SERPINB12: variants seen among roughly 807,000 people sequenced by gnomAD.
SERPINB12 encodes serpin family B member 12.
Under a neutral mutation model 41.1 loss-of-function variants are expected in SERPINB12, and 57 were observed. The observed-to-expected ratio is 1.39, with a 90% CI of 1.12 to 1.73. SERPINB12 has a LOEUF of 1.73. Among genes scored for constraint, SERPINB12 ranks in the 40% most tolerant of loss-of-function variants. SERPINB12 has a pLI of 0.00. For missense variants in SERPINB12, 536 were observed against 501.9 expected, an observed-to-expected ratio of 1.07 and a Z score of -0.65; for synonymous variants, 180 against 181.3, an observed-to-expected ratio of 0.99 and a Z score of 0.06.
chr18:63,532,604 G>A, the SERPINB12 span, among the ~76,000 whole-genome samples: 2 of 152,122 alleles, frequency 1.3e-5, no homozygotes, highest in Non-Finnish European at 1.5e-5. Flanking sequence ...CCTACTCTAC[G>A]GTTTTGTCTT....
chr18:63,540,200 C>CT (rs1368648052), upstream of SERPINB12, among the ~76,000 whole-genome samples: 3 of 152,118 alleles, frequency 2.0e-5, no homozygotes, highest in African/African-American at 7.2e-5. Context: ...AAATGCTGAT[C>CT]TTTTTCTTTC....
upstream of SERPINB12, among the ~76,000 whole-genome samples, chr18:63,539,064 G>C (rs1421374633): frequency 6.6e-6 from 1 of 152,068 alleles, no homozygotes; most frequent in African/African-American, 2.4e-5. Flanking sequence ...ACTTGGGATG[G>C]CTGAGACCAC....
the SERPINB12 span, among the ~76,000 whole-genome samples, chr18:63,521,373 G>T: frequency 4.7e-3 from 715 of 152,324 alleles, 7 homozygotes; most frequent in African/African-American, 0.016. Context: ...GTGTGGACCT[G>T]TCCCAGGTTG....
At chr18:63,552,987 T>C (rs1910571761) in intron 1 of SERPINB12, among the ~76,000 whole-genome samples, 1 of 152,226 alleles carries the variant, frequency 6.6e-6, no homozygotes, top group Non-Finnish European at 1.5e-5. Flanking sequence ...TGTTTTTTTT[T>C]CGTTGTTTTC....
At chr18:63,554,433 A>G (rs1275733014) in intron 1 of SERPINB12, among the ~76,000 whole-genome samples, 7 of 152,218 alleles carry the variant, frequency 4.6e-5, no homozygotes, top group Admixed American at 4.6e-4. Context: ...GAAAATCTAT[A>G]TTAACTGGGA....
At chr18:63,563,919 C>A (rs878959680) in intron 5 of SERPINB12, 59 bp from the exon 6 acceptor site, 32 of 1,374,842 alleles carry the variant, frequency 2.3e-5, no homozygotes, top group African/African-American at 7.6e-5. Flanking sequence ...AAAAAATTAT[C>A]TACACAAATG....
the SERPINB12 span, among the ~76,000 whole-genome samples, chr18:63,522,997 A>G: frequency 4.6e-5 from 7 of 152,188 alleles, no homozygotes; most frequent in African/African-American, 1.7e-4. Context: ...TGTTTCCCAT[A>G]TAATTCAACA....
the SERPINB12 span, among the ~76,000 whole-genome samples, chr18:63,531,668 T>C: frequency 7.2e-5 from 11 of 152,192 alleles, no homozygotes; most frequent in African/African-American, 2.4e-4. Flanking sequence ...ATTCAACAAA[T>C]ATTTGTTACT....
chr18:63,544,782 A>G (rs902681547), intron 1 of SERPINB12, among the ~76,000 whole-genome samples: 1 of 152,150 alleles, frequency 6.6e-6, no homozygotes, highest in Non-Finnish European at 1.5e-5. Flanking sequence ...TTTATGTGTT[A>G]TAAGACTCTT....
At chr18:63,566,037 C>T (rs902598794) in intron 7 of SERPINB12, among the ~76,000 whole-genome samples, 1 of 152,066 alleles carries the variant, frequency 6.6e-6, no homozygotes, top group African/African-American at 2.4e-5. Context: ...AGAGTGACAA[C>T]AGAATTGATT....
chr18:63,567,371 G>A lies in SERPINB12; in HGVS notation c.*360G>A, dbSNP rs533170128. Among the ~76,000 whole-genome samples, 2 of 152,264 alleles carry A rather than the reference G, an allele frequency of 1.3e-5. No homozygotes were observed. The highest frequency in any genetic ancestry group is 2.1e-4 in the South Asian group (1 of 4,824). On this transcript the variant is annotated 3_prime_UTR_variant, in exon 8 of 8. Coordinates refer to ENST00000382768, the MANE Select transcript of SERPINB12 (RefSeq NM_001307928.2). ...AAACTCAGAAGCCACTTTAACATGG[G>A]CAGCAAGAGAACATGTTTGACTGGA...
At chr18:63,538,329 C>T (rs1477734891), upstream of SERPINB12, among the ~76,000 whole-genome samples, 1 of 152,110 alleles carries the variant, frequency 6.6e-6, no homozygotes, top group Non-Finnish European at 1.5e-5. Flanking sequence ...ACAAAACTCT[C>T]TATATTAGCA....
the SERPINB12 span, among the ~76,000 whole-genome samples, chr18:63,522,553 ATAATCT>A: frequency 6.6e-6 from 1 of 152,224 alleles, no homozygotes; most frequent in African/African-American, 2.4e-5. Flanking sequence ...GCCATAAAAC[ATAATCT>A]TTATCAGTTA....
chr18:63,531,897 A>G, the SERPINB12 span, among the ~76,000 whole-genome samples: 1 of 152,216 alleles, frequency 6.6e-6, no homozygotes, highest in African/African-American at 2.4e-5. Context: ...TCATGACTTG[A>G]GCCCCTCTAG....
Position 63,556,190 on chromosome 18 carries a change from T to G in SERPINB12, c.31T>G (p.Phe11Val), listed in dbSNP as rs555884833. Residue 11 changes from phenylalanine to valine, a missense_variant, in exon 2 of 8, where the codon TTT becomes GTT. Transcript: ENST00000382768. ...CTCTCTTGTTACAGCAAACACCAAATTTTGCTTTGATCTTTTTCAAGAGAT... is the reference window on the plus strand; with the variant it reads ...CTCTCTTGTTACAGCAAACACCAAAGTTTGCTTTGATCTTTTTCAAGAGAT... Reference protein sequence around the residue: MDSLVTANTKFCFDLFQEIGK... With the variant: MDSLVTANTKVCFDLFQEIGK... The G allele has an allele frequency of 6.8e-6, 11 of 1,613,978 alleles. No individual in the cohort carries two copies. In the South Asian group the frequency reaches 7.7e-5, roughly 11 times the overall value.
intron 1 of SERPINB12, among the ~76,000 whole-genome samples, chr18:63,549,968 G>T (rs1032187059): frequency 2.6e-5 from 4 of 152,314 alleles, no homozygotes; most frequent in South Asian, 2.1e-4. Context: ...CCACGTAGTG[G>T]TTGGAAGTAC....
rs755131873 is a variant in SERPINB12, at chr18:63,559,616, C to T, written c.342C>T (p.Cys114=). 1.9e-6 allele frequency: 3 copies of T among 1,614,170 alleles called. No individual in the cohort carries two copies. In the East Asian group the frequency reaches 6.7e-5, roughly 36 times the overall value. Residue 114 remains cysteine (C), a synonymous_variant, in exon 4 of 8, where the codon TGC becomes TGT. Coordinates refer to ENST00000382768, the MANE Select transcript of SERPINB12 (RefSeq NM_001307928.2). ...ACAATGAGAGCGGACTGGTCAGCTG[C>T]TACTTTGGGCAGCTTCTCTCCAAAT... ...SLNNESGLVS[C]YFGQLLSKLD... is the part of the protein sequence containing the mutation.
intron 1 of SERPINB12, among the ~76,000 whole-genome samples, chr18:63,551,664 T>C (rs79925426): frequency 0.032 from 4,809 of 152,318 alleles, 296 homozygotes; most frequent in East Asian, 0.29. Flanking sequence ...AAAGTGTTGC[T>C]ATGAACATAT....
chr18:63,526,935 T>C, the SERPINB12 span, among the ~76,000 whole-genome samples: 1 of 152,218 alleles, frequency 6.6e-6, no homozygotes, highest in East Asian at 1.9e-4. Context: ...GTGCCGCATG[T>C]AACTGTACTG....
Sources: gnomAD v4.1 joint callset for allele counts (sites outside exome capture counted in the v4.1 genomes callset) on GRCh38, gnomAD v4.1.1 for gene constraint, MANE v1.5 for transcripts, NCBI Gene and HGNC (gene_info 2026-07-23, HGNC 2026-07-21) for gene names.